Variants in MILR1 observed in about 807,000 individuals in gnomAD.
The protein encoded by MILR1 is allergin-1.
Under a neutral mutation model 18.5 loss-of-function variants are expected in MILR1, and 31 were observed. The observed-to-expected ratio is 1.68, with a 90% CI of 1.26 to 2.26. The LOEUF (loss-of-function observed/expected upper bound fraction) is 2.26. MILR1 is among the 30% of genes most tolerant of loss of function. MILR1 has a pLI of 0.00. For missense variants in MILR1, 257 were observed against 157.4 expected (o/e 1.63, Z -3.38); for synonymous variants, 85 against 56.2 (o/e 1.51, Z -2.30).
the MILR1 span, chr17:64,491,926 GAAA>G: frequency 1.2e-5 from 1 of 80,468 alleles, no homozygotes; most frequent in Non-Finnish European, 2.5e-5. Flanking sequence ...TGGTACTTGT[GAAA>G]AAAAAAAAAC....
the MILR1 span, among the ~76,000 whole-genome samples, chr17:64,489,201 A>C: frequency 5.3e-5 from 8 of 151,766 alleles, no homozygotes; most frequent in African/African-American, 1.9e-4. Context: ...GTCTAGGACA[A>C]TTTGACCATC....
the MILR1 span, among the ~76,000 whole-genome samples, chr17:64,482,344 G>A: frequency 2.8e-5 from 2 of 71,032 alleles, no homozygotes; most frequent in African/African-American, 7.5e-5. Flanking sequence ...TTTTTTTTTT[G>A]AGACGGAGTC....
the MILR1 span, among the ~76,000 whole-genome samples, chr17:64,481,823 C>T: frequency 4.0e-5 from 6 of 151,342 alleles, no homozygotes; most frequent in Admixed American, 4.0e-4. Context: ...TGCAGTGAGC[C>T]GAGATCGTGC....
At chr17:64,471,409 C>G (rs566692548), downstream of MILR1, among the ~76,000 whole-genome samples, 5 of 152,284 alleles carry the variant, frequency 3.3e-5, no homozygotes, top group African/African-American at 7.2e-5. Flanking sequence ...ACACCTCCCC[C>G]ACTTCTAGAC....
chr17:64,480,418 T>A, the MILR1 span: 6 of 1,094,528 alleles, frequency 5.5e-6, no homozygotes, highest in Non-Finnish European at 8.4e-6. Flanking sequence ...ACTTCAAATA[T>A]GAAAGAAATA....
the MILR1 span, among the ~76,000 whole-genome samples, chr17:64,489,496 C>T: frequency 6.7e-6 from 1 of 149,750 alleles, no homozygotes; most frequent in African/African-American, 2.5e-5. Context: ...CATGGTGACT[C>T]ATTCTTATAA....
chr17:64,449,300 C>G lies in MILR1; in HGVS notation c.56-14C>G, dbSNP rs2037112818. On this transcript the variant is annotated splice_polypyrimidine_tract_variant and intron_variant, in intron 1 of 9. Transcript: ENST00000619286. ...GTGGAAAGTGAGCTTTATCGTGTTC[C>G]TTTTCTGTTTCAGGTAGAAAAGCTG... 1 of 473,628 alleles carries G rather than the reference C, an allele frequency of 2.1e-6. No homozygotes were observed. Among genetic ancestry groups the G allele is most frequent in the Admixed American group, 3.2e-5 (1 of 31,486 alleles). 29.3% of individuals were successfully genotyped at this position (473,628 alleles called of 1,614,324 possible).
the MILR1 span, among the ~76,000 whole-genome samples, chr17:64,479,284 A>G: frequency 6.6e-6 from 1 of 151,794 alleles, no homozygotes; most frequent in South Asian, 2.1e-4. Context: ...CCTGGGTTCA[A>G]GCAATTCTCC....
chr17:64,465,667 C>A, intron 6 of MILR1, 126 bp downstream of exon 6: 1 of 875,662 alleles, frequency 1.1e-6, no homozygotes, highest in Non-Finnish European at 1.8e-6. Context: ...TCTATTGATG[C>A]CCAGTCCCAC....
downstream of MILR1, among the ~76,000 whole-genome samples, chr17:64,469,011 T>C (rs1442592979): frequency 6.6e-6 from 1 of 151,626 alleles, no homozygotes; most frequent in Non-Finnish European, 1.5e-5. Context: ...CGCTTAAATC[T>C]GGTAGGCAGA....
chr17:64,488,067 C>G, the MILR1 span, among the ~76,000 whole-genome samples: 1 of 151,518 alleles, frequency 6.6e-6, no homozygotes, highest in East Asian at 2.0e-4. Context: ...AAAACAGATA[C>G]AAAATGGCCT....
the MILR1 span, chr17:64,482,969 T>C: frequency 1.2e-5 from 19 of 1,607,270 alleles, no homozygotes; most frequent in African/African-American, 1.5e-4. Flanking sequence ...GCAACCTTAA[T>C]AGGGGCTAAA....
the MILR1 span, chr17:64,492,865 C>A: frequency 6.2e-7 from 1 of 1,613,032 alleles, no homozygotes; most frequent in Non-Finnish European, 8.5e-7. Flanking sequence ...TATTTAAATA[C>A]AAGGCCAAGT....
chr17:64,449,503 A>G, intron 2 of MILR1, 148 bp downstream of exon 2: 1 of 408,802 alleles, frequency 2.4e-6, no homozygotes. Flanking sequence ...ATCATTTAAA[A>G]TAAAATGATT....
the MILR1 span, among the ~76,000 whole-genome samples, chr17:64,494,937 G>A: frequency 2.6e-5 from 4 of 152,170 alleles, no homozygotes; most frequent in Non-Finnish European, 5.9e-5. Context: ...ACTTTGGGAG[G>A]CCGAGGCGGG....
chr17:64,450,184 C>T (rs937643752), intron 2 of MILR1, among the ~76,000 whole-genome samples: 193 of 152,098 alleles, frequency 1.3e-3, no homozygotes, highest in African/African-American at 4.6e-3. Flanking sequence ...GTGATCCGCC[C>T]ACCTTGGCCT....
At position 64,449,203 on chromosome 17, in the gene MILR1, G is replaced by C. The variant is rs1339007985; in HGVS notation, c.35G>C (p.Ser12Thr). 1 of 472,784 alleles carries C rather than the reference G, an allele frequency of 2.1e-6. No homozygotes were observed. The highest frequency in any genetic ancestry group is 3.9e-6 in the Non-Finnish European group (1 of 257,952). The allele number at this position is 472,784 out of a possible 1,614,324, so 29.3% of individuals were successfully genotyped here. A position where few individuals can be genotyped will look rare whatever the true frequency, so the allele number is the denominator to read the frequency against. Reference protein sequence around the residue: ...WSHLNRLLFWSIFSSVTCRKA... With the variant: ...WSHLNRLLFWTIFSSVTCRKA... ...CATTTGAACAGGCTCCTCTTCTGGA[G>C]CATATTTTCTTCTGTCACTTGTAAG... The change falls in exon 1 of 10, where the codon AGC (serine) becomes ACC (threonine). Residue 12 changes from serine to threonine, a missense_variant. By Grantham distance (58) the Ser-to-Thr change is moderately conservative. Transcript: ENST00000619286.
Position 64,465,436 on chromosome 17 carries a change from C to G in MILR1, c.764-16C>G. ...CTGAATTGGTTTAATTTGATGATTC[C>G]TACCTATTTACGTAGGAAAAGCTAT... On this transcript the variant is annotated splice_polypyrimidine_tract_variant and intron_variant, in intron 5 of 9. Coordinates refer to ENST00000619286, the MANE Select transcript of MILR1 (RefSeq NM_001085423.2). The G allele has an allele frequency of 1.3e-6, 2 of 1,554,806 alleles. No individual in the cohort carries two copies. The highest frequency in any genetic ancestry group is 1.8e-6 in the Non-Finnish European group (2 of 1,134,316).
intron 5 of MILR1, among the ~76,000 whole-genome samples, chr17:64,463,024 A>G (rs1568069081): frequency 6.6e-6 from 1 of 152,028 alleles, no homozygotes; most frequent in African/African-American, 2.4e-5. Flanking sequence ...CTATTCTACT[A>G]TAAGATTTTT....
Sources: allele counts gnomAD v4.1 joint callset (sites outside exome capture counted in the v4.1 genomes callset), GRCh38; gene constraint gnomAD v4.1.1; transcripts MANE v1.5; gene names NCBI Gene and HGNC (gene_info 2026-07-23, HGNC 2026-07-21).